Variants in MCM3AP observed in about 807,000 individuals in gnomAD.
The protein encoded by MCM3AP is minichromosome maintenance complex component 3 associated protein, also known as germinal-center associated nuclear protein.
MCM3AP carries 126 observed loss-of-function variants against 184.1 expected under a neutral mutation model. The observed-to-expected ratio is 0.68, with a 90% confidence interval of 0.59 to 0.79. MCM3AP has a LOEUF of 0.79. MCM3AP is among the 30% of genes least tolerant of loss of function. The pLI, the probability that MCM3AP is intolerant of heterozygous loss-of-function variation, is 0.00. For synonymous variants in MCM3AP, 1,002 were observed against 979.3 expected, an observed-to-expected ratio of 1.02 and a Z score of -0.43; for missense variants, 2,496 against 2,479.2, an observed-to-expected ratio of 1.01 and a Z score of -0.14.
intron 2 of MCM3AP, among the ~76,000 whole-genome samples, chr21:46,283,335 A>C (rs993746904): frequency 6.6e-6 from 1 of 152,212 alleles, no homozygotes; most frequent in Admixed American, 6.5e-5. Context: ...ATGTGGTTAG[A>C]GCCTTTCAGA....
rs373206300 is a variant in MCM3AP, at chr21:46,254,537, C to T, written c.4002-11G>A. The T allele has an allele frequency of 5.6e-5, 91 of 1,613,802 alleles. No homozygotes were observed. Among genetic ancestry groups the T allele is most frequent in the Non-Finnish European group, 7.3e-5 (86 of 1,180,030 alleles). ...GCCCATGCCACATCACTGGGAGGAA[C>T]AGACCACCGTGGATTAGCCAGTGTG... On this transcript the variant is annotated splice_polypyrimidine_tract_variant and intron_variant, in intron 18 of 27. Coordinates refer to ENST00000291688, the MANE Select transcript of MCM3AP (RefSeq NM_003906.5).
chr21:46,249,240 T>C lies in MCM3AP; in HGVS notation c.4290+2289A>G, dbSNP rs530005745. On this transcript the variant is annotated intron_variant, in intron 20 of 27. Transcript: ENST00000291688. ...GGGTCTTCCTCTGTCAACACCGGAG[T>C]GCAGTGGTGCGATCACGGCTCACTG... Among the ~76,000 whole-genome samples, 43 of 152,296 alleles carry C rather than the reference T, an allele frequency of 2.8e-4. No individual in the cohort carries two copies. In the Middle Eastern group the frequency reaches 0.01, roughly 36 times the overall value.
At chr21:46,265,184 G>A in intron 12 of MCM3AP, 137 bp downstream of exon 12, 2 of 710,542 alleles carry the variant, frequency 2.8e-6, no homozygotes, top group South Asian at 1.8e-5. Flanking sequence ...CTGAGGCTGA[G>A]TGACTCTAGG....
At position 46,265,392 on chromosome 21, in the gene MCM3AP, G is replaced by A; in HGVS notation, c.3163C>T (p.Pro1055Ser). ...PVLALTPSVA[P>S]SLFQLSVQPE... ...TGCACAGACAGCTGGAAGAGGCTGG[G>A]CGCCACAGACGGGGTCAGTGCCAGG... Residue 1055 changes from proline (P) to serine (S), a missense_variant, in exon 12 of 28, where the codon CCC becomes TCC. Coordinates refer to ENST00000291688, the MANE Select transcript of MCM3AP (RefSeq NM_003906.5). 6.2e-7 allele frequency: 1 copy of A among 1,614,098 alleles called. No homozygotes were observed. The highest frequency in any genetic ancestry group is 8.5e-7 in the Non-Finnish European group (1 of 1,180,026).
intron 2 of MCM3AP, among the ~76,000 whole-genome samples, chr21:46,281,774 G>T (rs1004991558): frequency 6.6e-6 from 1 of 152,142 alleles, no homozygotes; most frequent in Non-Finnish European, 1.5e-5. Flanking sequence ...GCCAAGGTGC[G>T]TGGAACACTG....
In MCM3AP at chr21:46,284,205, T is replaced by C. The variant is rs570730083; in HGVS notation, c.1082A>G (p.Lys361Arg). The C allele has an allele frequency of 2.5e-6, 4 of 1,614,264 alleles. No homozygotes were observed. Among genetic ancestry groups the C allele is most frequent in the Admixed American group, 3.3e-5 (2 of 60,026 alleles). Residue 361 changes from lysine (K) to arginine (R), a missense_variant, in exon 1 of 28, where the codon AAA becomes AGA. This residue lies in a region of MCM3AP where 800 missense variants were observed against 717.1 expected (regional missense o/e 1.12). Transcript: ENST00000291688. ...AGACTCAACAAAGCCAGTTTCCTTT[T>C]TGGCCTCCTTGTTGCCCAGACGACC... Reference protein sequence around the residue: ...EVGRLGNKEAKKETGFVESAE... With the variant: ...EVGRLGNKEARKETGFVESAE...
rs1473788644 is a variant in MCM3AP, at chr21:46,235,196, C to CTAGA, written c.*71_*72insTCTA. 2 of 1,477,820 alleles carry CTAGA rather than the reference C, an allele frequency of 1.4e-6. No homozygotes were observed. Among genetic ancestry groups the CTAGA allele is most frequent in the Non-Finnish European group, 1.9e-6 (2 of 1,067,304 alleles). The allele number at this position is 1,477,820 out of a possible 1,614,324, so 91.5% of individuals were successfully genotyped here. On this transcript the variant is annotated 3_prime_UTR_variant, in exon 28 of 28. Coordinates refer to ENST00000291688, the MANE Select transcript of MCM3AP (RefSeq NM_003906.5). Reference sequence around the variant, plus strand: ...ACATTTCCAACAGTGCATCAAGCATCTGAGAATAACATTATTTTGAGTAAA... The same window carrying CTAGA: ...ACATTTCCAACAGTGCATCAAGCATCTAGATGAGAATAACATTATTTTGAGTAAA...
chr21:46,267,636 A>C (rs900219792), intron 9 of MCM3AP: 1 of 153,598 alleles, frequency 6.5e-6, no homozygotes, highest in Admixed American at 6.5e-5. Context: ...CATACCTGTA[A>C]TCCCAGCACT....
chr21:46,261,417 C>G lies in MCM3AP; in HGVS notation c.3336-6G>C, dbSNP rs769831814. The G allele has an allele frequency of 7.4e-6, 12 of 1,613,558 alleles. No homozygotes were observed. Among genetic ancestry groups the G allele is most frequent in the Non-Finnish European group, 1.0e-5 (12 of 1,179,828 alleles). ...CCATAGCAGCATTAGAAACACTAAA[C>G]GGAGCAAAGGGGATAGCATTCAAAA... On this transcript the variant is annotated splice_polypyrimidine_tract_variant and splice_region_variant and intron_variant, in intron 13 of 27. Coordinates refer to ENST00000291688, the MANE Select transcript of MCM3AP (RefSeq NM_003906.5).
At chr21:46,257,257 C>CT (rs965356452) in intron 16 of MCM3AP, among the ~76,000 whole-genome samples, 1 of 149,502 alleles carries the variant, frequency 6.7e-6, no homozygotes, top group Non-Finnish European at 1.5e-5. Flanking sequence ...GGCGGACTGC[C>CT]TGAGCTCAAG....
intron 11 of MCM3AP, 80 bp downstream of exon 11, chr21:46,265,845 T>C: frequency 3.4e-6 from 5 of 1,479,580 alleles, no homozygotes; most frequent in Non-Finnish European, 4.5e-6. Context: ...GGCGAGAAAA[T>C]GCAGATGCCC....
rs1361307273 is a variant in MCM3AP, at chr21:46,240,808, C to T, written c.5633+3G>A. The T allele has an allele frequency of 6.2e-7, 1 of 1,613,440 alleles. No individual in the cohort carries two copies. Among genetic ancestry groups the T allele is most frequent in the Non-Finnish European group, 8.5e-7 (1 of 1,179,698 alleles). On this transcript the variant is annotated splice_donor_region_variant and intron_variant, in intron 26 of 27. Coordinates refer to ENST00000291688, the MANE Select transcript of MCM3AP (RefSeq NM_003906.5). ...ACATGAATTAGAAGGAAGTGGGCTT[C>T]ACCTCTTGTTCTCTTCTTTCTCCAG... is the stretch of plus-strand genomic sequence containing the variant.
chr21:46,239,496 G>C (rs1037005373), intron 26 of MCM3AP, among the ~76,000 whole-genome samples: 11 of 152,336 alleles, frequency 7.2e-5, no homozygotes, highest in Admixed American at 3.9e-4. Flanking sequence ...CAAGGCACCT[G>C]ATCTAGGCAG....
chr21:46,258,593 C>T (rs993770709), intron 16 of MCM3AP, among the ~76,000 whole-genome samples: 1 of 152,132 alleles, frequency 6.6e-6, no homozygotes, highest in African/African-American at 2.4e-5. Context: ...CTTATTGGTG[C>T]ATGCAGCCAT....
Position 46,244,952 on chromosome 21 carries a change from C to G in MCM3AP, c.4893G>C (p.Leu1631=), listed in dbSNP as rs1369557669. Residue 1631 remains leucine (L), a synonymous_variant, in exon 23 of 28, where the codon CTG becomes CTC. Transcript: ENST00000291688. ...CAGCAAACTCAGTGACAGGCCAGGA[C>G]AGGTCACACAGCTGTTCAGAGGACA... ...SVVSSEQLCD[L]SWPVTEFAEA... is the part of the protein sequence containing the mutation. 2 of 1,614,208 alleles carry G rather than the reference C, an allele frequency of 1.2e-6. No homozygotes were observed. The highest frequency in any genetic ancestry group is 1.7e-6 in the Non-Finnish European group (2 of 1,180,028).
Position 46,254,967 on chromosome 21 carries a change from G to A in MCM3AP, c.3933-123C>T, listed in dbSNP as rs574432971. On this transcript the variant is annotated intron_variant, in intron 17 of 27. Transcript: ENST00000291688. ...TTTTCTGCCAATGAAACGGGTTAGA[G>A]GATTCCTTCATTCCACAAATATCAT... is the stretch of plus-strand genomic sequence containing the variant. 207 of 725,574 alleles carry A rather than the reference G, an allele frequency of 2.9e-4. No homozygotes were observed. In the African/African-American group the frequency reaches 3.1e-3, roughly 11 times the overall value. 44.9% of individuals were successfully genotyped at this position (725,574 alleles called of 1,614,324 possible). A position where few individuals can be genotyped will look rare whatever the true frequency, so the allele number is the denominator to read the frequency against.
chr21:46,246,575 TCCACCC>T, intron 21 of MCM3AP, 47 bp downstream of exon 21: 1 of 1,597,528 alleles, frequency 6.3e-7, no homozygotes, highest in Non-Finnish European at 8.6e-7. Context: ...ACCCAGGGCC[TCCACCC>T]ATTTATTAAA....
intron 15 of MCM3AP, among the ~76,000 whole-genome samples, chr21:46,259,695 G>A (rs911729296): frequency 2.2e-4 from 34 of 151,998 alleles, no homozygotes; most frequent in African/African-American, 7.7e-4. Context: ...GGCGGATCAC[G>A]AGGTCAGGAG....
intron 17 of MCM3AP, among the ~76,000 whole-genome samples, chr21:46,256,058 AGACAT>A (rs1274177652): frequency 5.3e-5 from 8 of 152,232 alleles, no homozygotes; most frequent in African/African-American, 1.9e-4. Context: ...GAGGAGGACA[AGACAT>A]GACATGAGGC....
Sources: gnomAD v4.1 joint callset for allele counts (sites outside exome capture counted in the v4.1 genomes callset) on GRCh38, gnomAD v4.1.1 for gene constraint, gnomAD v4.1.1 regional missense constraint, MANE v1.5 for transcripts, NCBI Gene and HGNC (gene_info 2026-07-23, HGNC 2026-07-21) for gene names.